RIN2: variants seen among roughly 807,000 people sequenced by gnomAD.
The protein encoded by RIN2 is RAB5 interacting protein 2.
In RIN2, 36 loss-of-function variants were observed where a neutral mutation model predicts 78.0. The observed-to-expected ratio is 0.46, with a 90% CI of 0.35 to 0.61. The LOEUF (loss-of-function observed/expected upper bound fraction) is 0.61, where lower values mean the gene tolerates loss of function less well. Ranked by LOEUF, RIN2 falls within the 20% of genes least tolerant of loss-of-function variation. RIN2 has a pLI of 0.00. For synonymous variants in RIN2, 466 were observed against 466.8 expected (o/e 1.00, Z 0.02); for missense variants, 1,087 against 1,159.7 (o/e 0.94, Z 0.91).
intron 2 of RIN2, among the ~76,000 whole-genome samples, chr20:19,819,111 G>A (rs1490471853): frequency 2.0e-5 from 3 of 152,228 alleles, no homozygotes; most frequent in Non-Finnish European, 4.4e-5. Context: ...GGTGGGAAAG[G>A]ATTAGAAGGT....
At chr20:19,967,152 G>A (rs1216591705) in intron 7 of RIN2, among the ~76,000 whole-genome samples, 1 of 152,200 alleles carries the variant, frequency 6.6e-6, no homozygotes, top group Non-Finnish European at 1.5e-5. Flanking sequence ...AGTGTTCATG[G>A]TAGACTGGAG....
intron 3 of RIN2, among the ~76,000 whole-genome samples, chr20:19,901,294 G>A (rs772156049): frequency 1.3e-5 from 2 of 151,978 alleles, no homozygotes; most frequent in Non-Finnish European, 1.5e-5. Flanking sequence ...GTCTTTTTCT[G>A]TCTGCTTTCC....
chr20:19,885,086 C>G (rs2038138743), intron 2 of RIN2, among the ~76,000 whole-genome samples: 1 of 152,152 alleles, frequency 6.6e-6, no homozygotes, highest in African/African-American at 2.4e-5. Flanking sequence ...CCTCATGCAG[C>G]ACGGAGATGA....
chr20:19,781,812 C>T (rs982249593), intron 1 of RIN2, among the ~76,000 whole-genome samples: 3 of 150,370 alleles, frequency 2.0e-5, no homozygotes, highest in Non-Finnish European at 3.0e-5. Context: ...AAAAGTATTT[C>T]CAGGTATCCA....
rs576230334 is a variant in RIN2, at chr20:19,889,721, G to A, written c.57+63G>A. On this transcript the variant is annotated intron_variant, in intron 3 of 12. Coordinates refer to ENST00000255006, the MANE Select transcript of RIN2 (RefSeq NM_018993.4). ...CTTGCTGCCTGAGCCTGGGAGCTGC[G>A]GTGCTCCATGGAGCTGCTGAGGGAA... The A allele has an allele frequency of 2.9e-5, 37 of 1,281,642 alleles. No individual in the cohort carries two copies. The African/African-American group carries it at 3.3e-4, about 11-fold the overall frequency. 79.4% of individuals were successfully genotyped at this position (1,281,642 alleles called of 1,614,324 possible).
intron 2 of RIN2, among the ~76,000 whole-genome samples, chr20:19,863,134 T>A (rs1229543644): frequency 1.3e-5 from 2 of 152,218 alleles, no homozygotes; most frequent in Non-Finnish European, 2.9e-5. Context: ...ACAGCATGTG[T>A]GTGCAAGAAG....
At position 19,974,379 on chromosome 20, in the gene RIN2, G is replaced by T. The variant is rs1179306278; in HGVS notation, c.629-275G>T. On this transcript the variant is annotated intron_variant, in intron 8 of 12. Transcript: ENST00000255006. ...TTCCTTTTTTTCTTCCAACTTACCTGTGAAAAGGCAGGGCTGGAATCCTAT... is the reference window on the plus strand; with the variant it reads ...TTCCTTTTTTTCTTCCAACTTACCTTTGAAAAGGCAGGGCTGGAATCCTAT... Among the ~76,000 whole-genome samples the T allele has an allele frequency of 4.6e-5, 7 of 152,084 alleles. No individual in the cohort carries two copies. In the East Asian group the frequency reaches 1.3e-3, roughly 29 times the overall value.
In RIN2 at chr20:19,819,324, G is replaced by A. The variant is rs1275910920; in HGVS notation, c.-37+19577G>A. Among the ~76,000 whole-genome samples, 3 of 152,158 alleles carry A rather than the reference G, an allele frequency of 2.0e-5. No homozygotes were observed. In the South Asian group the frequency reaches 6.2e-4, roughly 32 times the overall value. ...AAGAAGAACCAGCAAGCTCTCTGGT[G>A]TCTCTTCTTTGAGGGCACTAATCCC... On this transcript the variant is annotated intron_variant, in intron 2 of 12. Coordinates refer to ENST00000255006, the MANE Select transcript of RIN2 (RefSeq NM_018993.4).
chr20:19,963,512 G>C (rs1291745756), intron 6 of RIN2, among the ~76,000 whole-genome samples: 2 of 151,308 alleles, frequency 1.3e-5, no homozygotes, highest in African/African-American at 2.4e-5. Context: ...GGGAGGCTTA[G>C]ACAGGAGAAT....
At chr20:19,802,200 G>A (rs373511518) in intron 2 of RIN2, among the ~76,000 whole-genome samples, 4 of 152,150 alleles carry the variant, frequency 2.6e-5, no homozygotes, top group African/African-American at 9.7e-5. Context: ...AGTCTCATGA[G>A]GTTAGGTCAC....
At chr20:19,931,267 A>G (rs16981323) in intron 3 of RIN2, among the ~76,000 whole-genome samples, 12,867 of 152,106 alleles carry the variant, frequency 0.085, 881 homozygotes, top group African/African-American at 0.19. Context: ...TTTTGCATGC[A>G]TTTATAATTT....
chr20:19,772,333 G>A (rs1315206159), intron 1 of RIN2, among the ~76,000 whole-genome samples: 2 of 152,030 alleles, frequency 1.3e-5, no homozygotes, highest in African/African-American at 2.4e-5. Flanking sequence ...CACTTCTTCC[G>A]TTGTACCACT....
At chr20:19,907,173 A>T (rs1457658150) in intron 3 of RIN2, among the ~76,000 whole-genome samples, 1 of 152,226 alleles carries the variant, frequency 6.6e-6, no homozygotes, top group Non-Finnish European at 1.5e-5. Context: ...TCATCCTTTT[A>T]TCAGGAACCC....
chr20:19,941,028 C>T (rs533456097), intron 4 of RIN2, among the ~76,000 whole-genome samples: 1 of 152,322 alleles, frequency 6.6e-6, no homozygotes, highest in African/African-American at 2.4e-5. Flanking sequence ...TGCCACTTCG[C>T]TGGTGTCCTC....
At chr20:19,869,529 A>G (rs930786926) in intron 2 of RIN2, among the ~76,000 whole-genome samples, 1 of 152,180 alleles carries the variant, frequency 6.6e-6, no homozygotes, top group African/African-American at 2.4e-5. Flanking sequence ...GGATTGGCCC[A>G]TGCCACTCCA....
intron 2 of RIN2, among the ~76,000 whole-genome samples, chr20:19,862,741 T>A (rs1042073068): frequency 1.3e-5 from 2 of 152,230 alleles, no homozygotes; most frequent in Admixed American, 6.5e-5. Flanking sequence ...TTAATGCTCT[T>A]TGTAGACTAT....
At chr20:19,814,435 C>T (rs1171503138) in intron 2 of RIN2, among the ~76,000 whole-genome samples, 1 of 150,754 alleles carries the variant, frequency 6.6e-6, no homozygotes, top group Non-Finnish European at 1.5e-5. Flanking sequence ...ATTGACTTTG[C>T]CTTCCAAAAT....
At chr20:19,775,910 G>A (rs2034293849) in intron 1 of RIN2, among the ~76,000 whole-genome samples, 1 of 152,204 alleles carries the variant, frequency 6.6e-6, no homozygotes, top group African/African-American at 2.4e-5. Flanking sequence ...CTCCACCCAG[G>A]CAATCTGGTT....
At chr20:19,984,659 CA>C (rs2042570638) in intron 9 of RIN2, among the ~76,000 whole-genome samples, 2 of 152,094 alleles carry the variant, frequency 1.3e-5, no homozygotes, top group Non-Finnish European at 2.9e-5. Context: ...CCCAGCTACT[CA>C]GGATGCTGAG....
Sources: gnomAD v4.1 joint callset for allele counts (sites outside exome capture counted in the v4.1 genomes callset) on GRCh38, gnomAD v4.1.1 for gene constraint, MANE v1.5 for transcripts, NCBI Gene and HGNC (gene_info 2026-07-23, HGNC 2026-07-21) for gene names.